The following SYTL2 variants were observed in gnomAD, a reference collection of about 807,000 sequenced individuals.
The protein encoded by SYTL2 is synaptotagmin-like protein 2.
SYTL2 carries 165 observed loss-of-function variants against 198.7 expected under a neutral mutation model. The observed-to-expected ratio is 0.83, with a 90% CI of 0.73 to 0.94. The LOEUF (loss-of-function observed/expected upper bound fraction) is 0.94, where lower values mean the gene tolerates loss of function less well. Among genes scored for constraint, SYTL2 ranks in the 40% least tolerant of loss-of-function variants. The probability of loss-of-function intolerance (pLI) is 0.00; values close to 1 mark genes in which losing one functional copy is unlikely to be tolerated. For synonymous variants in SYTL2, 966 were observed against 917.7 expected (o/e 1.05, Z -0.95); for missense variants, 2,835 against 2,582.8 (o/e 1.10, Z -2.12).
chr11:85,800,418 G>T (rs1435820067), intron 1 of SYTL2, among the ~76,000 whole-genome samples: 1 of 151,400 alleles, frequency 6.6e-6, no homozygotes, highest in East Asian at 1.9e-4. Flanking sequence ...TGGGACTACA[G>T]GTGTGCACCA....
At position 85,725,129 on chromosome 11, in the gene SYTL2, G is replaced by A. The variant is rs1320193052; in HGVS notation, c.4229C>T (p.Pro1410Leu). 1 of 1,614,084 alleles carries A rather than the reference G, an allele frequency of 6.2e-7. No individual in the cohort carries two copies. The highest frequency in any genetic ancestry group is 1.7e-5 in the Admixed American group (1 of 60,020). The change falls in exon 8 of 20, where the codon CCC becomes CTC. Residue 1410 changes from proline (P) to leucine (L), a missense_variant. Coordinates refer to ENST00000359152, the MANE Select transcript of SYTL2 (RefSeq NM_206927.4). ...TGATATCACTCCTGGAGGATTTAGG[G>A]GGCTACATACTGGCTGTACTGCTTC... ...FPEAVQPVCS[P>L]LNPPGVISPW... is the part of the protein sequence containing the mutation.
upstream of SYTL2, among the ~76,000 whole-genome samples, chr11:85,811,563 G>A (rs569187151): frequency 1.2e-4 from 19 of 152,262 alleles, no homozygotes; most frequent in South Asian, 2.3e-3. Flanking sequence ...AGGGTATGGA[G>A]CCCGGTCATG....
intron 10 of SYTL2, 57 bp downstream of exon 10, chr11:85,718,733 C>G: frequency 6.4e-7 from 1 of 1,561,076 alleles, no homozygotes; most frequent in Non-Finnish European, 8.8e-7. Flanking sequence ...GGAGACTGCC[C>G]AAATCACCCC....
Position 85,745,761 on chromosome 11 carries a change from T to C in SYTL2, c.265A>G (p.Lys89Glu). Residue 89 changes from lysine to glutamate, a missense_variant, in exon 4 of 20, where the codon AAA (lysine) becomes GAA (glutamate). Lys to Glu is a moderately conservative substitution (Grantham distance 56). Transcript: ENST00000359152. ...KRPQIAAEQS[K>E]DRENGAKESW... is the part of the protein sequence containing the mutation. ...TCCTTTGCCCCATTTTCTCTGTCTT[T>C]ACTCTGCTCAGCTGAAACAGGAAAC... is the stretch of plus-strand genomic sequence containing the variant. 6.2e-7 allele frequency: 1 copy of C among 1,612,118 alleles called. No individual in the cohort carries two copies. Among genetic ancestry groups the C allele is most frequent in the African/African-American group, 1.3e-5 (1 of 75,058 alleles).
chr11:85,709,609 A>G (rs1333040971), intron 13 of SYTL2, 109 bp from the exon 14 acceptor site: 1 of 1,051,718 alleles, frequency 9.5e-7, no homozygotes, highest in Non-Finnish European at 1.4e-6. Context: ...TTGCTTATAA[A>G]AGCAGTTAAT....
the SYTL2 span, among the ~76,000 whole-genome samples, chr11:85,835,275 C>A: frequency 6.6e-6 from 1 of 152,130 alleles, no homozygotes; most frequent in Non-Finnish European, 1.5e-5. Flanking sequence ...TGAAATATCA[C>A]TTTTAACAAA....
At chr11:85,851,745 A>G in the SYTL2 span, among the ~76,000 whole-genome samples, 11 of 152,260 alleles carry the variant, frequency 7.2e-5, no homozygotes, top group African/African-American at 2.7e-4. Context: ...ATTTAAAACA[A>G]ATGATGTGGG....
Position 85,725,285 on chromosome 11 carries a change from T to G in SYTL2, c.4073A>C (p.Lys1358Thr). 2 of 1,614,158 alleles carry G rather than the reference T, an allele frequency of 1.2e-6. No individual in the cohort carries two copies. The highest frequency in any genetic ancestry group is 1.7e-6 in the Non-Finnish European group (2 of 1,180,010). ...TACAGGTCTGGGTGGAAGAATGACT[T>G]TCTCTACAGTCTCCGAAATTTCCGT... Reference protein sequence around the residue: ...SQTEISETVEKVILPPRPVLN... With the variant: ...SQTEISETVETVILPPRPVLN... The change falls in exon 8 of 20, where the codon AAA becomes ACA. Residue 1358 changes from lysine to threonine, a missense_variant. By Grantham distance (78) the Lys-to-Thr change is moderately conservative. Transcript: ENST00000359152.
At chr11:85,762,122 C>T (rs2092110846) in intron 1 of SYTL2, among the ~76,000 whole-genome samples, 1 of 152,184 alleles carries the variant, frequency 6.6e-6, no homozygotes, top group African/African-American at 2.4e-5. Context: ...ACAGATTCCT[C>T]CAATCAGCGA....
At chr11:85,849,395 G>A in the SYTL2 span, among the ~76,000 whole-genome samples, 1 of 152,218 alleles carries the variant, frequency 6.6e-6, no homozygotes, top group East Asian at 1.9e-4. Flanking sequence ...TAATGCCTAG[G>A]TTTTCTTCTA....
rs2087519557 is a variant in SYTL2 at position 85,717,501 on chromosome 11, T to C, written c.5512A>G (p.Asn1838Asp). 1 of 1,613,182 alleles carries C rather than the reference T, an allele frequency of 6.2e-7. No homozygotes were observed. The stretch of plus-strand genomic sequence containing the variant: ...TACTCACTTCTTGGTACGCATTCAT[T>C]TGTAACTGGCTTCTGATCTGGTTTC... ...DEKPDQKPVTNECVPRISTVP... is the reference protein window; with the variant it reads ...DEKPDQKPVTDECVPRISTVP... The change falls in exon 11 of 20, where the codon AAT (asparagine) becomes GAT (aspartate). Residue 1838 changes from asparagine to aspartate, a missense_variant. By Grantham distance (23) the Asn-to-Asp change is conservative. This residue lies in a region of SYTL2 where 2,645 missense variants were observed against 2,381.7 expected (regional missense o/e 1.11). Transcript: ENST00000359152.
At chr11:85,789,364 A>ATATATATG (rs1308966740) in intron 1 of SYTL2, among the ~76,000 whole-genome samples, 5 of 58,526 alleles carry the variant, frequency 8.5e-5, no homozygotes, top group African/African-American at 3.2e-4. Flanking sequence ...ATATATATAT[A>ATATATATG]TATATATATA....
chr11:85,727,865 G>C lies in SYTL2; in HGVS notation c.1493C>G (p.Ala498Gly). ...TGGACCAGAACGTGAAGATGTCTTA[G>C]CTTTTAGAGCCGGGAGAGGAGGGGG... ...GKPPPLPALK[A>G]KTSSRSGPYA... The change falls in exon 8 of 20, where the codon GCT (alanine) becomes GGT (glycine). Residue 498 changes from alanine to glycine, a missense_variant. Physicochemically the swap from Ala to Gly is moderately conservative, Grantham distance 60. Coordinates refer to ENST00000359152, the MANE Select transcript of SYTL2 (RefSeq NM_206927.4). 6.2e-7 allele frequency: 1 copy of C among 1,612,638 alleles called. No individual in the cohort carries two copies. The highest frequency in any genetic ancestry group is 8.5e-7 in the Non-Finnish European group (1 of 1,179,544).
rs910284321 is a variant in SYTL2, at chr11:85,724,194, G to C, written c.5164C>G (p.Leu1722Val). ...VSRNRQPIPL[L>V]MNKENSTKTS... ...TTTGTAGAGTTTTCTTTGTTCATCA[G>C]GAGAGGAATGGGTTGCCTATTTCTG... is the stretch of plus-strand genomic sequence containing the variant. The change falls in exon 8 of 20, where the codon CTG becomes GTG. Residue 1722 changes from leucine (L) to valine (V), a missense_variant. This residue lies in a region of SYTL2 where 2,645 missense variants were observed against 2,381.7 expected (regional missense o/e 1.11). Transcript: ENST00000359152. The C allele has an allele frequency of 2.5e-6, 4 of 1,600,034 alleles. No homozygotes were observed. The highest frequency in any genetic ancestry group is 3.4e-6 in the Non-Finnish European group (4 of 1,176,260).
chr11:85,781,898 G>A (rs2153602452), intron 1 of SYTL2, among the ~76,000 whole-genome samples: 1 of 152,328 alleles, frequency 6.6e-6, no homozygotes, highest in Non-Finnish European at 1.5e-5. Context: ...TCACAGGCTG[G>A]CATTGAGTGT....
chr11:85,730,272 C>A (rs2089663254), intron 7 of SYTL2, among the ~76,000 whole-genome samples: 1 of 152,174 alleles, frequency 6.6e-6, no homozygotes. Context: ...ATACCAAACC[C>A]TGGCAGAGAC....
At chr11:85,810,564 G>GTAAA (rs2093018615) in intron 1 of SYTL2, among the ~76,000 whole-genome samples, 1 of 152,102 alleles carries the variant, frequency 6.6e-6, no homozygotes, top group African/African-American at 2.4e-5. Flanking sequence ...GTAAACAGGT[G>GTAAA]CTGACGCTCC....
At chr11:85,740,041 G>T (rs543244624) in intron 4 of SYTL2, among the ~76,000 whole-genome samples, 1 of 152,034 alleles carries the variant, frequency 6.6e-6, no homozygotes, top group Admixed American at 6.6e-5. Context: ...ACCATTCTAC[G>T]TTCTACCACT....
At chr11:85,854,644 A>C in the SYTL2 span, 2 of 152,290 alleles carry the variant, frequency 1.3e-5, no homozygotes, top group Non-Finnish European at 2.9e-5. Flanking sequence ...AAAGAAGACA[A>C]GCCGCCATTG....
Sources: gnomAD v4.1 joint callset for allele counts (sites outside exome capture counted in the v4.1 genomes callset) on GRCh38, gnomAD v4.1.1 for gene constraint, gnomAD v4.1.1 regional missense constraint, MANE v1.5 for transcripts, NCBI Gene and HGNC (gene_info 2026-07-23, HGNC 2026-07-21) for gene names.